The following SCHIP1 variants were observed in gnomAD, a reference collection of about 807,000 sequenced individuals.
The protein encoded by SCHIP1 is schwannomin-interacting protein 1.
Under a neutral mutation model 29.7 loss-of-function variants are expected in SCHIP1, and 8 were observed. The observed-to-expected ratio is 0.27, with a 90% CI of 0.16 to 0.49. SCHIP1 has a LOEUF of 0.49. Among genes scored for constraint, SCHIP1 ranks in the 20% least tolerant of loss-of-function variants. The pLI is 0.99. For synonymous variants in SCHIP1, 76 were observed against 94.9 expected, an observed-to-expected ratio of 0.80 and a Z score of 1.16; for missense variants, 193 against 294.6, an observed-to-expected ratio of 0.66 and a Z score of 2.52.
the SCHIP1 span, among the ~76,000 whole-genome samples, chr3:159,303,923 A>G: frequency 6.6e-6 from 1 of 152,036 alleles, no homozygotes; most frequent in Non-Finnish European, 1.5e-5. Flanking sequence ...CAGGTTAGTT[A>G]CGTATGTATA....
At chr3:159,597,353 C>T in the SCHIP1 span, among the ~76,000 whole-genome samples, 2 of 152,138 alleles carry the variant, frequency 1.3e-5, no homozygotes, top group African/African-American at 4.8e-5. Flanking sequence ...TATAGTCACC[C>T]TACTCTGCTA....
chr3:159,511,526 G>A, the SCHIP1 span, among the ~76,000 whole-genome samples: 16 of 152,196 alleles, frequency 1.1e-4, no homozygotes, highest in African/African-American at 3.6e-4. Context: ...TACCTCAGCT[G>A]GAAATGCAGA....
intron 1 of SCHIP1, among the ~76,000 whole-genome samples, chr3:159,859,723 A>G (rs1394051748): frequency 1.3e-5 from 2 of 152,248 alleles, no homozygotes; most frequent in African/African-American, 2.4e-5. Flanking sequence ...TGTGTGCTCA[A>G]TTACAGAAGA....
the SCHIP1 span, among the ~76,000 whole-genome samples, chr3:159,591,737 G>A: frequency 2.0e-5 from 3 of 151,964 alleles, no homozygotes; most frequent in Non-Finnish European, 4.4e-5. Flanking sequence ...ATGAACACAG[G>A]GAGGGGAACA....
chr3:159,411,834 T>C, the SCHIP1 span, among the ~76,000 whole-genome samples: 2 of 152,168 alleles, frequency 1.3e-5, no homozygotes, highest in African/African-American at 4.8e-5. Flanking sequence ...AGTTCTTAAA[T>C]CAGACAACAT....
the SCHIP1 span, among the ~76,000 whole-genome samples, chr3:159,691,337 A>G: frequency 6.7e-6 from 1 of 149,956 alleles, no homozygotes; most frequent in Non-Finnish European, 1.5e-5. Flanking sequence ...CTTTACCATT[A>G]TGTAATGCCC....
At chr3:159,279,509 A>G in the SCHIP1 span, among the ~76,000 whole-genome samples, 1 of 152,204 alleles carries the variant, frequency 6.6e-6, no homozygotes, top group Non-Finnish European at 1.5e-5. Flanking sequence ...AGAAATAAGA[A>G]AATAAAATAG....
the SCHIP1 span, among the ~76,000 whole-genome samples, chr3:159,608,585 T>C: frequency 6.6e-6 from 1 of 152,186 alleles, no homozygotes; most frequent in South Asian, 2.1e-4. Context: ...CCAACCTCAG[T>C]CAGCCAGTTA....
At chr3:159,721,989 T>C in the SCHIP1 span, 1 of 362,544 alleles carries the variant, frequency 2.8e-6, no homozygotes, top group African/African-American at 2.1e-5. Context: ...TTCCTTATGT[T>C]CCATAGTCTC....
the SCHIP1 span, among the ~76,000 whole-genome samples, chr3:159,498,331 T>C: frequency 6.6e-6 from 1 of 152,108 alleles, no homozygotes; most frequent in African/African-American, 2.4e-5. Flanking sequence ...TCCATGAATA[T>C]GAAAAAGATG....
the SCHIP1 span, among the ~76,000 whole-genome samples, chr3:159,497,996 T>G: frequency 1.3e-5 from 2 of 152,328 alleles, no homozygotes; most frequent in African/African-American, 4.8e-5. Context: ...TATTTGAATT[T>G]TTTTTCTCTC....
At chr3:159,888,215 G>T in intron 4 of SCHIP1, 1 of 371,390 alleles carries the variant, frequency 2.7e-6, no homozygotes, top group Non-Finnish European at 5.0e-6. Flanking sequence ...GAACCTATTG[G>T]TCTTGGCAAA....
the SCHIP1 span, among the ~76,000 whole-genome samples, chr3:159,585,229 C>T: frequency 6.6e-6 from 1 of 151,992 alleles, no homozygotes; most frequent in Non-Finnish European, 1.5e-5. Context: ...GGGCAACAAT[C>T]TTTGCTTTGT....
At chr3:159,717,346 T>A in the SCHIP1 span, among the ~76,000 whole-genome samples, 1 of 151,988 alleles carries the variant, frequency 6.6e-6, no homozygotes, top group African/African-American at 2.4e-5. Context: ...GCAAACACAT[T>A]CAAAAGCTAG....
At chr3:159,347,580 A>G in the SCHIP1 span, among the ~76,000 whole-genome samples, 1 of 152,168 alleles carries the variant, frequency 6.6e-6, no homozygotes, top group Admixed American at 6.5e-5. Context: ...GTTCTACTGG[A>G]TTTGAACATT....
At chr3:159,772,689 G>A in the SCHIP1 span, among the ~76,000 whole-genome samples, 3 of 152,158 alleles carry the variant, frequency 2.0e-5, no homozygotes, top group Non-Finnish European at 1.5e-5. Context: ...AGTAATTCCA[G>A]GTCCTTTCTT....
At chr3:159,828,377 A>ATATATATGTATATATATG in the SCHIP1 span, among the ~76,000 whole-genome samples, 1 of 73,674 alleles carries the variant, frequency 1.4e-5, no homozygotes, top group Non-Finnish European at 2.5e-5. Context: ...ATATATATAC[A>ATATATATGTATATATATG]TATATATATA....
the SCHIP1 span, among the ~76,000 whole-genome samples, chr3:159,647,496 T>C: frequency 1.3e-5 from 2 of 152,108 alleles, no homozygotes; most frequent in African/African-American, 4.8e-5. Flanking sequence ...AATGGGCTTG[T>C]GAGAATTTCA....
chr3:159,702,099 A>G, the SCHIP1 span, among the ~76,000 whole-genome samples: 1 of 152,228 alleles, frequency 6.6e-6, no homozygotes, highest in Non-Finnish European at 1.5e-5. Flanking sequence ...AAATAAATCC[A>G]TTTTGACATT....
Sources: allele counts gnomAD v4.1 joint callset (sites outside exome capture counted in the v4.1 genomes callset), GRCh38; gene constraint gnomAD v4.1.1; transcripts MANE v1.5; gene names NCBI Gene and HGNC (gene_info 2026-07-23, HGNC 2026-07-21).